The following ZNF492 variants were observed in gnomAD, a reference collection of about 807,000 sequenced individuals.
ZNF492 encodes zinc finger protein 492.
Under a neutral mutation model 6.4 loss-of-function variants are expected in ZNF492, and 3 were observed. The observed-to-expected ratio is 0.47, with a 90% CI of 0.21 to 1.22. The LOEUF is 1.22. ZNF492 is among the 50% of genes most tolerant of loss of function. The probability of loss-of-function intolerance (pLI) is 0.22; values close to 1 mark genes in which losing one functional copy is unlikely to be tolerated. For missense variants in ZNF492, 356 were observed against 612.5 expected (o/e 0.58, Z 4.42); for synonymous variants, 112 against 205.3 (o/e 0.55, Z 3.89).
chr19:22,656,832 C>T (rs1360911536), intron 3 of ZNF492, among the ~76,000 whole-genome samples: 26 of 152,046 alleles, frequency 1.7e-4, no homozygotes, highest in Admixed American at 1.6e-3. Context: ...CAGCTCCCTC[C>T]GTAGATCTCA....
At chr19:22,641,754 A>T (rs1356428388) in intron 1 of ZNF492, among the ~76,000 whole-genome samples, 1 of 152,170 alleles carries the variant, frequency 6.6e-6, no homozygotes, top group Non-Finnish European at 1.5e-5. Context: ...GGTCTCTAAC[A>T]ACTTGATTTA....
chr19:22,665,615 A>G lies in ZNF492; in HGVS notation c.*350A>G, dbSNP rs1354322328. On this transcript the variant is annotated 3_prime_UTR_variant, in exon 4 of 4. Transcript: ENST00000456783. ...TTACAAATATAAACGAAGTTGTGGT[A>G]ACTTTACTTGTAACACAGATCTTGT... is the stretch of plus-strand genomic sequence containing the variant. 4.2e-6 allele frequency: 1 copy of G among 236,442 alleles called. No homozygotes were observed. The highest frequency in any genetic ancestry group is 8.3e-6 in the Non-Finnish European group (1 of 121,050). 14.6% of individuals were successfully genotyped at this position (236,442 alleles called of 1,614,324 possible).
chr19:22,642,628 A>C (rs1971840210), intron 1 of ZNF492, among the ~76,000 whole-genome samples: 1 of 151,976 alleles, frequency 6.6e-6, no homozygotes, highest in South Asian at 2.1e-4. Flanking sequence ...TGACCTCGTG[A>C]TCCACCTGCC....
chr19:22,634,767 G>A (rs1188845854), intron 1 of ZNF492, among the ~76,000 whole-genome samples: 1 of 152,162 alleles, frequency 6.6e-6, no homozygotes, highest in Non-Finnish European at 1.5e-5. Flanking sequence ...ATTGTGCAGG[G>A]ACCACGGGAG....
At chr19:22,649,676 AT>A (rs747900008) in intron 1 of ZNF492, among the ~76,000 whole-genome samples, 94 of 151,566 alleles carry the variant, frequency 6.2e-4, no homozygotes, top group Admixed American at 1.7e-3. Context: ...TGCATGCCTT[AT>A]TTCAGCAAGG....
At chr19:22,659,791 G>A (rs9710634) in intron 3 of ZNF492, among the ~76,000 whole-genome samples, 11,766 of 150,126 alleles carry the variant, frequency 0.078, 1,492 homozygotes, top group African/African-American at 0.27. Context: ...TCAGCCTCCC[G>A]AGTAGCTAGG....
chr19:22,659,463 T>C (rs1972032119), intron 3 of ZNF492, among the ~76,000 whole-genome samples: 1 of 151,694 alleles, frequency 6.6e-6, no homozygotes, highest in African/African-American at 2.4e-5. Context: ...TTACGGAAAA[T>C]GCAGTGTCAA....
At chr19:22,663,709 A>G (rs1972082133) in intron 3 of ZNF492, 91 bp from the exon 4 acceptor site, 2 of 1,217,236 alleles carry the variant, frequency 1.6e-6, no homozygotes, top group Non-Finnish European at 2.2e-6. Flanking sequence ...ACATCTTGTG[A>G]TGTAGTTTGT....
chr19:22,658,172 C>T (rs1972016308), intron 3 of ZNF492, among the ~76,000 whole-genome samples: 1 of 151,920 alleles, frequency 6.6e-6, no homozygotes, highest in Non-Finnish European at 1.5e-5. Flanking sequence ...CGTCTGTAAT[C>T]CCCGGATTTT....
chr19:22,658,285 G>A (rs1033094152), intron 3 of ZNF492, among the ~76,000 whole-genome samples: 18 of 151,328 alleles, frequency 1.2e-4, no homozygotes, highest in African/African-American at 4.4e-4. Flanking sequence ...AGCCAGACAT[G>A]GTGAAGTGGT....
intron 1 of ZNF492, among the ~76,000 whole-genome samples, chr19:22,639,739 A>C (rs1018901514): frequency 2.6e-5 from 4 of 151,328 alleles, no homozygotes; most frequent in African/African-American, 9.7e-5. Context: ...AAAAGAAAAG[A>C]AAAGCTTTTC....
intron 1 of ZNF492, among the ~76,000 whole-genome samples, chr19:22,636,454 A>G (rs924768218): frequency 6.7e-6 from 1 of 148,554 alleles, no homozygotes; most frequent in African/African-American, 2.6e-5. Flanking sequence ...TAGTTTTCTA[A>G]GAATAGTGGT....
intron 1 of ZNF492, among the ~76,000 whole-genome samples, chr19:22,651,940 G>A (rs1173583129): frequency 1.3e-5 from 2 of 152,030 alleles, no homozygotes; most frequent in Admixed American, 1.3e-4. Context: ...GGCAGATATT[G>A]GTATCTGGAA....
intron 3 of ZNF492, among the ~76,000 whole-genome samples, chr19:22,655,675 A>ATTTTTTTTTTTTTTTTTTTTTTTTTT (rs201831166): frequency 9.1e-6 from 1 of 109,462 alleles, no homozygotes; most frequent in African/African-American, 4.1e-5. Context: ...CAGTGACTTA[A>ATTTTTTTTTTTTTTTTTTTTTTTTTT]TTTTTTTTTT....
At chr19:22,660,433 A>C (rs987519515) in intron 3 of ZNF492, among the ~76,000 whole-genome samples, 2 of 149,140 alleles carry the variant, frequency 1.3e-5, no homozygotes, top group African/African-American at 5.0e-5. Context: ...TTTTGGTGGC[A>C]CCTTGGGGGT....
intron 3 of ZNF492, among the ~76,000 whole-genome samples, chr19:22,654,493 G>A (rs1465085386): frequency 6.6e-6 from 1 of 150,410 alleles, no homozygotes; most frequent in East Asian, 2.0e-4. Flanking sequence ...AGTATAGTTT[G>A]AAATTATAAA....
intron 1 of ZNF492, among the ~76,000 whole-genome samples, chr19:22,639,458 C>T (rs1971801967): frequency 6.6e-6 from 1 of 151,868 alleles, no homozygotes; most frequent in Non-Finnish European, 1.5e-5. Context: ...CACCTGTAAT[C>T]CCAGCACTTT....
At chr19:22,646,358 A>G (rs943337424) in intron 1 of ZNF492, among the ~76,000 whole-genome samples, 8 of 152,186 alleles carry the variant, frequency 5.3e-5, no homozygotes, top group African/African-American at 1.9e-4. Context: ...ATTTTTGCAC[A>G]TTCATTTTGT....
At chr19:22,637,800 C>T (rs995702208) in intron 1 of ZNF492, among the ~76,000 whole-genome samples, 1 of 152,146 alleles carries the variant, frequency 6.6e-6, no homozygotes, top group Non-Finnish European at 1.5e-5. Context: ...AATCGTCACA[C>T]TACTTTTTAT....
Sources: allele counts gnomAD v4.1 joint callset (sites outside exome capture counted in the v4.1 genomes callset), GRCh38; gene constraint gnomAD v4.1.1; transcripts MANE v1.5; gene names NCBI Gene and HGNC (gene_info 2026-07-23, HGNC 2026-07-21).